RARB: variants seen among roughly 807,000 people sequenced by gnomAD.
RARB encodes the protein HBV-activated protein.
A neutral mutation model predicts 51.9 loss-of-function variants in RARB; 17 were observed. The ratio of observed to expected loss-of-function variants is 0.33; its 90% CI spans 0.22 to 0.49. RARB has a LOEUF of 0.49. Among genes scored for constraint, RARB ranks in the 20% least tolerant of loss-of-function variants. RARB has a pLI of 0.99. For synonymous variants in RARB, 215 were observed against 195.4 expected (o/e 1.10, Z -0.84); for missense variants, 369 against 550.8 (o/e 0.67, Z 3.30).
chr3:25,173,298 C>T (rs1396223017), intron 4 of RARB, among the ~76,000 whole-genome samples: 1 of 152,168 alleles, frequency 6.6e-6, no homozygotes, highest in East Asian at 1.9e-4. Context: ...AAACTAGCAG[C>T]TCAGGGCAGA....
At chr3:25,328,714 G>GT (rs1704800548) in intron 5 of RARB, among the ~76,000 whole-genome samples, 1 of 152,194 alleles carries the variant, frequency 6.6e-6, no homozygotes, top group Non-Finnish European at 1.5e-5. Context: ...ATGAGCCAAA[G>GT]CAGGGCGGGG....
At chr3:24,905,414 C>G (rs1360806214) in intron 2 of RARB, among the ~76,000 whole-genome samples, 1 of 152,220 alleles carries the variant, frequency 6.6e-6, no homozygotes, top group African/African-American at 2.4e-5. Flanking sequence ...CTGACCACAT[C>G]TCTTCTCACA....
chr3:25,453,350 C>T (rs577668169), intron 1 of RARB, among the ~76,000 whole-genome samples: 5 of 149,582 alleles, frequency 3.3e-5, no homozygotes, highest in African/African-American at 9.9e-5. Context: ...CGGGTTCAAG[C>T]GATTCTCCTG....
intron 4 of RARB, among the ~76,000 whole-genome samples, chr3:25,170,574 G>C (rs1334586030): frequency 6.6e-6 from 1 of 152,144 alleles, no homozygotes; most frequent in Non-Finnish European, 1.5e-5. Flanking sequence ...CGTGTTGTAA[G>C]TATTATGTTT....
chr3:25,273,820 C>G (rs776049759), intron 5 of RARB, among the ~76,000 whole-genome samples: 1 of 152,168 alleles, frequency 6.6e-6, no homozygotes, highest in African/African-American at 2.4e-5. Context: ...CTCTTATAAC[C>G]CACCACCTAA....
intron 5 of RARB, among the ~76,000 whole-genome samples, chr3:25,413,040 G>C (rs1351271470): frequency 6.6e-6 from 1 of 150,920 alleles, no homozygotes; most frequent in African/African-American, 2.4e-5. Context: ...AAAAAAAGAA[G>C]AAGAAGAAAG....
At chr3:25,020,730 T>G (rs543893190) in intron 2 of RARB, among the ~76,000 whole-genome samples, 1 of 152,260 alleles carries the variant, frequency 6.6e-6, no homozygotes, top group Non-Finnish European at 1.5e-5. Flanking sequence ...TAAACACCTA[T>G]AGAATGAATA....
chr3:25,497,663 G>A (rs1697110972), intron 2 of RARB, among the ~76,000 whole-genome samples: 2 of 152,166 alleles, frequency 1.3e-5, no homozygotes, highest in Admixed American at 1.3e-4. Context: ...GTGACCATGA[G>A]GAGCTTGCAG....
chr3:25,482,641 G>A (rs991683457), intron 2 of RARB, among the ~76,000 whole-genome samples: 3 of 139,716 alleles, frequency 2.1e-5, no homozygotes, highest in Non-Finnish European at 4.5e-5. Context: ...CCAGGTTCAG[G>A]TGATTCTTCT....
chr3:25,267,494 C>G (rs1281557579), intron 5 of RARB, among the ~76,000 whole-genome samples: 1 of 152,158 alleles, frequency 6.6e-6, no homozygotes, highest in Non-Finnish European at 1.5e-5. Flanking sequence ...AAATTGTTTT[C>G]CTAACTCTAC....
intron 5 of RARB, among the ~76,000 whole-genome samples, chr3:25,240,247 T>C (rs142109285): frequency 6.6e-6 from 1 of 152,292 alleles, no homozygotes; most frequent in African/African-American, 2.4e-5. Flanking sequence ...TAGGTTTTTC[T>C]AGATATAAGA....
rs77476957 is a variant in RARB, at chr3:25,098,899, T to G, written c.-327-33262T>G. On this transcript the variant is annotated intron_variant, in intron 3 of 11. Transcript: ENST00000383772. ...CCCTGCAAAATGTTCTTCATTTTAT[T>G]AGGCTTGTTGTTAAAGAAATTTTAA... Among the ~76,000 whole-genome samples, 671 of 152,296 alleles carry G rather than the reference T, an allele frequency of 4.4e-3. 17 individuals carry two copies. In the East Asian group the frequency reaches 0.065, roughly 15 times the overall value.
At chr3:25,457,057 T>G (rs1694957044) in intron 1 of RARB, among the ~76,000 whole-genome samples, 1 of 152,098 alleles carries the variant, frequency 6.6e-6, no homozygotes, top group African/African-American at 2.4e-5. Context: ...ATTTTTTGTT[T>G]TGTTTTTCTG....
At chr3:24,997,302 G>A (rs902728854) in intron 2 of RARB, among the ~76,000 whole-genome samples, 2 of 151,658 alleles carry the variant, frequency 1.3e-5, no homozygotes, top group Admixed American at 1.3e-4. Context: ...GTTTCTGTTT[G>A]CATGGAATAT....
intron 5 of RARB, among the ~76,000 whole-genome samples, chr3:25,332,218 A>G (rs1310627938): frequency 1.3e-5 from 2 of 152,126 alleles, no homozygotes; most frequent in African/African-American, 4.8e-5. Context: ...CAGAGACACA[A>G]CAAAAAAAGA....
chr3:25,499,684 A>G (rs1321505826), intron 2 of RARB, among the ~76,000 whole-genome samples: 1 of 152,200 alleles, frequency 6.6e-6, no homozygotes, highest in Non-Finnish European at 1.5e-5. Context: ...CATGCCAAAA[A>G]TTTATTTAAC....
intron 2 of RARB, among the ~76,000 whole-genome samples, chr3:25,484,513 C>G (rs539849915): frequency 6.6e-6 from 1 of 151,738 alleles, no homozygotes; most frequent in Non-Finnish European, 1.5e-5. Flanking sequence ...TAGGCTAAAC[C>G]GGGTCTGCTG....
chr3:25,478,498 G>T (rs1164217409), intron 2 of RARB, among the ~76,000 whole-genome samples: 1 of 152,200 alleles, frequency 6.6e-6, no homozygotes, highest in African/African-American at 2.4e-5. Flanking sequence ...GAGACAGACT[G>T]AGGGAGCTGT....
At chr3:25,358,344 T>G (rs186018657) in intron 5 of RARB, among the ~76,000 whole-genome samples, 12 of 152,348 alleles carry the variant, frequency 7.9e-5, no homozygotes, top group African/African-American at 2.4e-4. Context: ...TCCTAAGGCT[T>G]TGCTGAAGTT....
Sources: allele counts gnomAD v4.1 joint callset (sites outside exome capture counted in the v4.1 genomes callset), GRCh38; gene constraint gnomAD v4.1.1; transcripts MANE v1.5; gene names NCBI Gene and HGNC (gene_info 2026-07-23, HGNC 2026-07-21).